Variants in RNF152 observed in about 807,000 individuals in gnomAD.
RNF152 encodes the protein E3 ubiquitin-protein ligase RNF152.
A neutral mutation model predicts 12.7 loss-of-function variants in RNF152; 11 were observed. That is an observed-to-expected ratio of 0.86 (90% CI 0.54 to 1.43). The LOEUF is 1.43. RNF152 is among the 40% of genes most tolerant of loss of function. The pLI, the probability that RNF152 is intolerant of heterozygous loss-of-function variation, is 0.00. For missense variants in RNF152, 255 were observed against 274.8 expected (o/e 0.93, Z 0.51); for synonymous variants, 113 against 120.3 (o/e 0.94, Z 0.40).
At chr18:61,850,915 G>A (rs1347105937) in intron 1 of RNF152, among the ~76,000 whole-genome samples, 1 of 152,098 alleles carries the variant, frequency 6.6e-6, no homozygotes, top group South Asian at 2.1e-4. Flanking sequence ...GGCTAGTGCA[G>A]CTCTGGGCAC....
In RNF152 at chr18:61,810,050, C is replaced by T. The variant is rs992988402; in HGVS notation, c.*5802G>A. The T allele has an allele frequency of 2.6e-5, 4 of 152,006 alleles. No individual in the cohort carries two copies. Among genetic ancestry groups the T allele is most frequent in the Admixed American group, 6.6e-5 (1 of 15,256 alleles). The allele number at this position is 152,006 out of a possible 1,614,324, so 9.4% of individuals were successfully genotyped here. On this transcript the variant is annotated 3_prime_UTR_variant, in exon 2 of 2. Coordinates refer to ENST00000312828, the MANE Select transcript of RNF152 (RefSeq NM_173557.3). ...AAGTTCTTCAATGATTAATGGCTTT[C>T]CAATAAAATGTATACAGTAGAACCT...
intron 1 of RNF152, among the ~76,000 whole-genome samples, chr18:61,882,963 C>T (rs1912527486): frequency 6.6e-6 from 1 of 152,178 alleles, no homozygotes; most frequent in Non-Finnish European, 1.5e-5. Context: ...CTGCTAGCAT[C>T]ATGCGGTTCC....
At chr18:61,871,697 GGGC>G (rs1912004427) in intron 1 of RNF152, among the ~76,000 whole-genome samples, 1 of 152,172 alleles carries the variant, frequency 6.6e-6, no homozygotes, top group Non-Finnish European at 1.5e-5. Flanking sequence ...AGGTAAGGCT[GGGC>G]TTTGGACCAT....
chr18:61,841,471 G>C (rs4459645), intron 1 of RNF152, among the ~76,000 whole-genome samples: 1 of 151,950 alleles, frequency 6.6e-6, no homozygotes, highest in Admixed American at 6.6e-5. Context: ...AAATGAACTT[G>C]AGCTGGATCT....
chr18:61,882,806 C>G (rs568671325), intron 1 of RNF152, among the ~76,000 whole-genome samples: 2 of 152,094 alleles, frequency 1.3e-5, no homozygotes, highest in Admixed American at 6.5e-5. Flanking sequence ...AGACTCATCA[C>G]GAAAACCCTC....
chr18:61,811,135 C>G lies in RNF152; in HGVS notation c.*4717G>C, dbSNP rs1363310772. On this transcript the variant is annotated 3_prime_UTR_variant, in exon 2 of 2. Coordinates refer to ENST00000312828, the MANE Select transcript of RNF152 (RefSeq NM_173557.3). ...GAGTTCTAGAAAAAAAAAATCAACC[C>G]ATTTCTGCTAAAATGAAGTAAATGT... 2.0e-5 allele frequency: 3 copies of G among 151,666 alleles called. No individual in the cohort carries two copies. Among genetic ancestry groups the G allele is most frequent in the Non-Finnish European group, 4.4e-5 (3 of 67,952 alleles). 9.4% of individuals were successfully genotyped at this position (151,666 alleles called of 1,614,324 possible).
intron 1 of RNF152, among the ~76,000 whole-genome samples, chr18:61,855,232 A>G (rs1445304633): frequency 6.6e-6 from 1 of 152,274 alleles, no homozygotes; most frequent in Non-Finnish European, 1.5e-5. Flanking sequence ...AAAGCTTTTC[A>G]ATAAGGATGT....
At position 61,815,932 on chromosome 18, in the gene RNF152, C is replaced by A. The variant is rs776181105; in HGVS notation, c.532G>T (p.Val178Phe). Reference sequence around the variant, plus strand: ...ACGATGCCGAGGAGGAAGACCAAGACGCAAGCCACCAAGATGACAGTGCAC... The same window carrying A: ...ACGATGCCGAGGAGGAAGACCAAGAAGCAAGCCACCAAGATGACAGTGCAC... ...GVCTVILVACVLVFLLGIVLH... is the reference protein window; with the variant it reads ...GVCTVILVACFLVFLLGIVLH... The change falls in exon 2 of 2, where the codon GTC becomes TTC. Residue 178 changes from valine (V) to phenylalanine (F), a missense_variant. Coordinates refer to ENST00000312828, the MANE Select transcript of RNF152 (RefSeq NM_173557.3). 1 of 1,614,216 alleles carries A rather than the reference C, an allele frequency of 6.2e-7. No homozygotes were observed. The highest frequency in any genetic ancestry group is 1.1e-5 in the South Asian group (1 of 91,082).
At chr18:61,844,126 G>GAAAGAA (rs1910622570) in intron 1 of RNF152, among the ~76,000 whole-genome samples, 3 of 124,768 alleles carry the variant, frequency 2.4e-5, no homozygotes, top group Non-Finnish European at 3.6e-5. Flanking sequence ...AAGAAAGAAA[G>GAAAGAA]AAAGAAAGAA....
intron 1 of RNF152, among the ~76,000 whole-genome samples, chr18:61,868,808 A>G (rs1335204964): frequency 1.3e-5 from 2 of 152,332 alleles, no homozygotes; most frequent in East Asian, 3.9e-4. Context: ...TGTGCCTTGT[A>G]GTTATGTGGC....
intron 1 of RNF152, among the ~76,000 whole-genome samples, chr18:61,833,198 T>C (rs1160318398): frequency 6.6e-6 from 1 of 152,208 alleles, no homozygotes; most frequent in Non-Finnish European, 1.5e-5. Context: ...AATACAGATT[T>C]AAATGAAGAT....
intron 1 of RNF152, among the ~76,000 whole-genome samples, chr18:61,880,343 G>T (rs1322708986): frequency 6.6e-6 from 1 of 152,174 alleles, no homozygotes; most frequent in Admixed American, 6.5e-5. Flanking sequence ...CACTGAACCA[G>T]TTTTCAAAAT....
chr18:61,839,870 T>G (rs567818477), intron 1 of RNF152, among the ~76,000 whole-genome samples: 43 of 152,304 alleles, frequency 2.8e-4, no homozygotes, highest in African/African-American at 1.0e-3. Flanking sequence ...GCTTTTGATA[T>G]GTCCCCATCA....
chr18:61,867,326 C>T (rs766171322), intron 1 of RNF152, among the ~76,000 whole-genome samples: 5 of 152,008 alleles, frequency 3.3e-5, no homozygotes, highest in Admixed American at 6.6e-5. Flanking sequence ...GTGGCATGCT[C>T]CTGTAGTCTC....
intron 1 of RNF152, among the ~76,000 whole-genome samples, chr18:61,889,334 G>C (rs1912842594): frequency 6.6e-6 from 1 of 152,106 alleles, no homozygotes; most frequent in South Asian, 2.1e-4. Flanking sequence ...ATATTATTTT[G>C]TTAAATTCTA....
At chr18:61,870,281 A>T (rs966874565) in intron 1 of RNF152, among the ~76,000 whole-genome samples, 1 of 152,166 alleles carries the variant, frequency 6.6e-6, no homozygotes. Context: ...CCAAAGAGAA[A>T]CAGGCTCTCC....
intron 1 of RNF152, among the ~76,000 whole-genome samples, chr18:61,844,044 A>C: frequency 6.9e-6 from 1 of 144,630 alleles, no homozygotes; most frequent in Admixed American, 7.1e-5. Flanking sequence ...GAGAAAGAAA[A>C]AGAAAAAAGA....
chr18:61,850,987 T>C (rs1910944880), intron 1 of RNF152, among the ~76,000 whole-genome samples: 2 of 152,054 alleles, frequency 1.3e-5, no homozygotes, highest in South Asian at 2.1e-4. Context: ...CCAATCAAAT[T>C]AGAGAATCAT....
At position 61,829,700 on chromosome 18, in the gene RNF152, C is replaced by T. The variant is rs147336502; in HGVS notation, c.-135-13102G>A. 7.5e-4 allele frequency among the ~76,000 whole-genome samples: 114 copies of T among 152,006 alleles called. 1 individual carries two copies. The highest frequency in any genetic ancestry group is 2.4e-3 in the African/African-American group (101 of 41,452). Reference sequence around the variant, plus strand: ...AGCAGGATGCGGTCCAAACCTTTCCCCTCCTCTTCCAATCCAAAGCAAGGG... The same window carrying T: ...AGCAGGATGCGGTCCAAACCTTTCCTCTCCTCTTCCAATCCAAAGCAAGGG... On this transcript the variant is annotated intron_variant, in intron 1 of 1. Transcript: ENST00000312828.
Sources: gnomAD v4.1 joint callset for allele counts (sites outside exome capture counted in the v4.1 genomes callset) on GRCh38, gnomAD v4.1.1 for gene constraint, MANE v1.5 for transcripts, NCBI Gene and HGNC (gene_info 2026-07-23, HGNC 2026-07-21) for gene names.